Variants in CD47 observed in about 807,000 individuals in gnomAD.
CD47 encodes leukocyte surface antigen CD47.
A neutral mutation model predicts 44.6 loss-of-function variants in CD47; 11 were observed. The observed-to-expected ratio is 0.25, with a 90% confidence interval of 0.16 to 0.41. CD47 has a LOEUF of 0.41. Ranked by LOEUF, CD47 falls within the 10% of genes least tolerant of loss-of-function variation. CD47 has a pLI of 1.00. For synonymous variants in CD47, 140 were observed against 136.3 expected (o/e 1.03, Z -0.19); for missense variants, 306 against 386.7 (o/e 0.79, Z 1.75).
In CD47 at chr3:108,057,582, A is replaced by G. The variant is rs764860242; in HGVS notation, c.785-13T>C. The G allele has an allele frequency of 3.9e-6, 5 of 1,292,962 alleles. No individual in the cohort carries two copies. Among genetic ancestry groups the G allele is most frequent in the Non-Finnish European group, 5.6e-6 (5 of 895,932 alleles). 80.1% of individuals were successfully genotyped at this position (1,292,962 alleles called of 1,614,324 possible). ...ATTGGTATACACGCTGTAAAAACAAATAAAATTCTGTATTAGAAAAGCATA... is the reference window on the plus strand; with the variant it reads ...ATTGGTATACACGCTGTAAAAACAAGTAAAATTCTGTATTAGAAAAGCATA... On this transcript the variant is annotated splice_polypyrimidine_tract_variant and intron_variant, in intron 6 of 10. Transcript: ENST00000361309.
chr3:108,044,376 T>A lies in CD47; in HGVS notation c.*2912A>T, dbSNP rs1576978372. The stretch of plus-strand genomic sequence containing the variant: ...GGACCTGGAGTTTCCAGGAGAAAAA[T>A]AATCACCTTTGAAGGTTTTTAGAGC... On this transcript the variant is annotated 3_prime_UTR_variant, in exon 11 of 11. Transcript: ENST00000361309. 1 of 103,578 alleles carries A rather than the reference T, an allele frequency of 9.7e-6. No individual in the cohort carries two copies. Among genetic ancestry groups the A allele is most frequent in the Admixed American group, 1.2e-4 (1 of 8,532 alleles). The allele number at this position is 103,578 out of a possible 1,614,324, so 6.4% of individuals were successfully genotyped here.
At chr3:108,074,209 T>C (rs2079261741) in intron 2 of CD47, among the ~76,000 whole-genome samples, 1 of 152,222 alleles carries the variant, frequency 6.6e-6, no homozygotes, top group African/African-American at 2.4e-5. Flanking sequence ...TGAGATAGAC[T>C]AGATGACTAC....
intron 1 of CD47, 43 bp downstream of exon 1, chr3:108,090,820 G>C: frequency 1.4e-6 from 2 of 1,457,714 alleles, no homozygotes; most frequent in Non-Finnish European, 1.8e-6. Flanking sequence ...CCGCGGGGGC[G>C]AAGCGACAGC....
chr3:108,052,873 G>A (rs920424409), intron 7 of CD47: 3 of 152,472 alleles, frequency 2.0e-5, no homozygotes, highest in Non-Finnish European at 1.5e-5. Context: ...AGGCTGAGGT[G>A]GGAGGATCTC....
chr3:108,045,559 A>T lies in CD47; in HGVS notation c.*1729T>A, dbSNP rs1434775021. ...TATACGTATATATTTGTGTATACATATTTTTTTTTTCAAGAAGAGCTGTCT... is the reference window on the plus strand; with the variant it reads ...TATACGTATATATTTGTGTATACATTTTTTTTTTTTCAAGAAGAGCTGTCT... On this transcript the variant is annotated 3_prime_UTR_variant, in exon 11 of 11. Transcript: ENST00000361309. 6.7e-6 allele frequency: 1 copy of T among 150,254 alleles called. No individual in the cohort carries two copies. Among genetic ancestry groups the T allele is most frequent in the Non-Finnish European group, 1.5e-5 (1 of 67,404 alleles). The allele number at this position is 150,254 out of a possible 1,614,324, so 9.3% of individuals were successfully genotyped here.
intron 1 of CD47, among the ~76,000 whole-genome samples, chr3:108,085,665 T>G (rs955581901): frequency 3.9e-5 from 6 of 152,186 alleles, no homozygotes; most frequent in Non-Finnish European, 8.8e-5. Context: ...CTATTTTACT[T>G]AACTGATCTC....
rs113835685 is a variant in CD47 at position 108,071,886 on chromosome 3, C to A, written c.401-704G>T. Among the ~76,000 whole-genome samples, 361 of 152,276 alleles carry A rather than the reference C, an allele frequency of 2.4e-3. 1 individual carries two copies. Among genetic ancestry groups the A allele is most frequent in the African/African-American group, 8.0e-3 (332 of 41,562 alleles). On this transcript the variant is annotated intron_variant, in intron 2 of 10. Transcript: ENST00000361309. Reference sequence around the variant, plus strand: ...TGTGCCCGGTTGGTCTTTTCCCAAACTCACTCTGCAATTATCCATGCATAA... The same window carrying A: ...TGTGCCCGGTTGGTCTTTTCCCAAAATCACTCTGCAATTATCCATGCATAA...
Position 108,080,158 on chromosome 3 carries a change from G to A in CD47, c.233C>T (p.Pro78Leu), listed in dbSNP as rs1394520216. The change falls in exon 2 of 11, where the codon CCC becomes CTC. Residue 78 changes from proline (P) to leucine (L), a missense_variant. Pro to Leu is a moderately conservative substitution (Grantham distance 98, BLOSUM62 -3). Around this residue, in one of 5 missense-constraint regions of CD47, gnomAD observed 25 missense variants for 52.7 expected, o/e 0.47. Transcript: ENST00000361309. ...FDGALNKSTV[P>L]TDFSSAKIEV... is the part of the protein sequence containing the mutation. ...AATTTTTGCACTACTAAAGTCAGTG[G>A]GGACAGTGGACTTGTTTAGAGCTCC... 6.2e-7 allele frequency: 1 copy of A among 1,612,938 alleles called. No individual in the cohort carries two copies. Among genetic ancestry groups the A allele is most frequent in the East Asian group, 2.2e-5 (1 of 44,876 alleles).
intron 3 of CD47, among the ~76,000 whole-genome samples, 158 bp from the exon 4 acceptor site, chr3:108,061,010 A>C (rs1265352578): frequency 6.6e-6 from 1 of 152,056 alleles, no homozygotes; most frequent in African/African-American, 2.4e-5. Flanking sequence ...CATCTCTTTC[A>C]TAAGCAAATG....
At chr3:108,075,686 T>C (rs1304933717) in intron 2 of CD47, among the ~76,000 whole-genome samples, 3 of 152,196 alleles carry the variant, frequency 2.0e-5, no homozygotes, top group African/African-American at 7.2e-5. Flanking sequence ...TGTGAATGTA[T>C]TGGATTTCAT....
intron 1 of CD47, among the ~76,000 whole-genome samples, chr3:108,086,809 G>A (rs1183934209): frequency 1.7e-4 from 26 of 152,116 alleles, no homozygotes; most frequent in Admixed American, 1.7e-3. Context: ...TCAATGGAGA[G>A]GGAAAGATCT....
chr3:108,052,826 T>C (rs1476905150), intron 7 of CD47: 1 of 152,262 alleles, frequency 6.6e-6, no homozygotes, highest in Non-Finnish European at 1.5e-5. Flanking sequence ...TGGTGGTGCA[T>C]GCCTGTGGTG....
In CD47 at chr3:108,044,981, A is replaced by T. The variant is rs942363830; in HGVS notation, c.*2307T>A. 1 of 152,656 alleles carries T rather than the reference A, an allele frequency of 6.6e-6. No individual in the cohort carries two copies. The highest frequency in any genetic ancestry group is 2.4e-5 in the African/African-American group (1 of 41,458). 9.5% of individuals were successfully genotyped at this position (152,656 alleles called of 1,614,324 possible). A position where few individuals can be genotyped will look rare whatever the true frequency, so the allele number is the denominator to read the frequency against. On this transcript the variant is annotated 3_prime_UTR_variant, in exon 11 of 11. Transcript: ENST00000361309. ...TGTGATGTGATGGAATTTGGGAGCCATTACAAATCTGATTTAAAGAGAAGG... is the reference window on the plus strand; with the variant it reads ...TGTGATGTGATGGAATTTGGGAGCCTTTACAAATCTGATTTAAAGAGAAGG...
intron 7 of CD47, chr3:108,052,303 ATCCTC>A: frequency 3.9e-6 from 1 of 257,672 alleles, no homozygotes; most frequent in Non-Finnish European, 7.6e-6. Context: ...TGGGTGCTCC[ATCCTC>A]CCTCCTCTAT....
chr3:108,075,795 A>C (rs1413675027), intron 2 of CD47, among the ~76,000 whole-genome samples: 1 of 152,230 alleles, frequency 6.6e-6, no homozygotes, highest in Non-Finnish European at 1.5e-5. Flanking sequence ...TGAGGGAGAG[A>C]GAGCTGACCT....
Position 108,055,405 on chromosome 3 carries a change from A to C in CD47, c.877+2072T>G, listed in dbSNP as rs879163826. ...TTTAACTTCCTAATATAAACGCTCA[A>C]ATTTGCAACCTTAATGTTACATAGA... On this transcript the variant is annotated intron_variant, in intron 7 of 10. Coordinates refer to ENST00000361309, the MANE Select transcript of CD47 (RefSeq NM_001777.4). 5.0e-5 allele frequency: 24 copies of C among 480,830 alleles called. 1 individual carries two copies. In the South Asian group the frequency reaches 5.1e-4, roughly 10 times the overall value. 29.8% of individuals were successfully genotyped at this position (480,830 alleles called of 1,614,324 possible).
At chr3:108,057,189 T>C (rs1417218623) in intron 7 of CD47, among the ~76,000 whole-genome samples, 3 of 152,192 alleles carry the variant, frequency 2.0e-5, no homozygotes, top group Non-Finnish European at 4.4e-5. Flanking sequence ...GATAAAGCCA[T>C]TTTCCTTTAA....
chr3:108,071,257 C>T (rs930496258), intron 2 of CD47, 75 bp from the exon 3 acceptor site: 6 of 678,814 alleles, frequency 8.8e-6, no homozygotes, highest in African/African-American at 7.4e-5. Flanking sequence ...GTCTATAATA[C>T]ATGCTTTATT....
intron 10 of CD47, among the ~76,000 whole-genome samples, chr3:108,048,584 C>T (rs2078764311): frequency 6.6e-6 from 1 of 151,932 alleles, no homozygotes; most frequent in African/African-American, 2.4e-5. Flanking sequence ...CGGGGTTTCA[C>T]CGTGTTAGCC....
Sources: gnomAD v4.1 joint callset for allele counts (sites outside exome capture counted in the v4.1 genomes callset) on GRCh38, gnomAD v4.1.1 for gene constraint, gnomAD v4.1.1 regional missense constraint, MANE v1.5 for transcripts, NCBI Gene and HGNC (gene_info 2026-07-23, HGNC 2026-07-21) for gene names.